The following TCF4 variants were observed in gnomAD, a reference collection of about 807,000 sequenced individuals.
The protein encoded by TCF4 is SL3-3 enhancer factor 2.
A neutral mutation model predicts 82.1 loss-of-function variants in TCF4; 3 were observed. The ratio of observed to expected loss-of-function variants is 0.04; its 90% confidence interval spans 0.02 to 0.09. The LOEUF (loss-of-function observed/expected upper bound fraction) is 0.09, where lower values mean the gene tolerates loss of function less well. TCF4 is among the 10% of genes least tolerant of loss of function. TCF4 has a pLI of 1.00. For synonymous variants in TCF4, 276 were observed against 309.6 expected (o/e 0.89, Z 1.14); for missense variants, 518 against 852.7 (o/e 0.61, Z 4.89).
At position 55,362,915 on chromosome 18, in the gene TCF4, C is replaced by T. The variant is rs578176054; in HGVS notation, c.370-11912G>A. 2.0e-5 allele frequency among the ~76,000 whole-genome samples: 3 copies of T among 152,284 alleles called. No homozygotes were observed. In the South Asian group the frequency reaches 6.2e-4, roughly 32 times the overall value. On this transcript the variant is annotated intron_variant, in intron 6 of 19. Coordinates refer to ENST00000354452, the MANE Select transcript of TCF4 (RefSeq NM_001083962.2). ...ATGAAAGGATTCAGCAGTATAAACA[C>T]TTCTAAAAGACCGAAATAATCTTGT... is the stretch of plus-strand genomic sequence containing the variant.
chr18:55,353,828 C>G (rs939673674), intron 6 of TCF4, among the ~76,000 whole-genome samples: 2 of 152,166 alleles, frequency 1.3e-5, no homozygotes, highest in African/African-American at 4.8e-5. Flanking sequence ...AATTTACCTG[C>G]ATATATAGAT....
At chr18:55,493,101 T>C (rs760220349) in intron 3 of TCF4, among the ~76,000 whole-genome samples, 15 of 152,158 alleles carry the variant, frequency 9.9e-5, no homozygotes, top group Non-Finnish European at 5.9e-5. Flanking sequence ...CCATATCTGT[T>C]CACATGTTAC....
At chr18:55,476,297 A>T (rs576494784) in intron 3 of TCF4, among the ~76,000 whole-genome samples, 66 of 152,322 alleles carry the variant, frequency 4.3e-4, no homozygotes, top group African/African-American at 1.5e-3. Context: ...GCCACCTCAC[A>T]AAGTGAAGAG....
At chr18:55,399,876 TCTCTCACACACACACA>T (rs1279188596) in intron 6 of TCF4, among the ~76,000 whole-genome samples, 8 of 118,520 alleles carry the variant, frequency 6.7e-5, no homozygotes, top group African/African-American at 1.1e-4. Flanking sequence ...TCTCTCTCTC[TCTCTCACACACACACA>T]CACACACACA....
At position 55,541,275 on chromosome 18, in the gene TCF4, CTATT is replaced by C. The variant is rs560449978; in HGVS notation, c.145+44001_145+44004del. On this transcript the variant is annotated intron_variant, in intron 3 of 19. Transcript: ENST00000354452. ...ACAATTGTAGGATTCCCTTTTTACACTATTTATGTTATCCTAGTTCAGCTAGTTT... is the reference window on the plus strand; with the variant it reads ...ACAATTGTAGGATTCCCTTTTTACACTATGTTATCCTAGTTCAGCTAGTTT... Among the ~76,000 whole-genome samples the C allele has an allele frequency of 1.6e-4, 25 of 152,078 alleles. 1 individual carries two copies. In the South Asian group the frequency reaches 3.7e-3, roughly 23 times the overall value.
intron 3 of TCF4, among the ~76,000 whole-genome samples, chr18:55,548,330 G>A (rs534491217): frequency 3.3e-5 from 5 of 152,238 alleles, no homozygotes; most frequent in South Asian, 4.1e-4. Flanking sequence ...AAATAATTAC[G>A]TTCTGTAGCC....
intron 8 of TCF4, among the ~76,000 whole-genome samples, chr18:55,330,612 C>A (rs1204243848): frequency 1.3e-5 from 2 of 152,160 alleles, no homozygotes; most frequent in Non-Finnish European, 2.9e-5. Context: ...TGTCACCAGG[C>A]TGGAGTGCAG....
chr18:55,258,860 T>C (rs2057442962), intron 13 of TCF4, among the ~76,000 whole-genome samples: 1 of 152,114 alleles, frequency 6.6e-6, no homozygotes, highest in Non-Finnish European at 1.5e-5. Context: ...TAGTTTCTAT[T>C]TCCACCAGGG....
intron 2 of TCF4, among the ~76,000 whole-genome samples, chr18:55,617,811 C>CTGTGTGTGTGTGTGTG (rs74182107): frequency 1.0e-4 from 14 of 140,684 alleles, no homozygotes; most frequent in African/African-American, 3.4e-4. Flanking sequence ...TTAATTCTAA[C>CTGTGTGTGTGTGTGTG]TGTGTGTGTG....
Position 55,224,813 on chromosome 18 carries a change from AT to A in TCF4, c.*3221del, listed in dbSNP as rs1364501768. The A allele has an allele frequency of 2.0e-5, 3 of 152,596 alleles. No homozygotes were observed. The highest frequency in any genetic ancestry group is 2.9e-5 in the Non-Finnish European group (2 of 68,022). 9.5% of individuals were successfully genotyped at this position (152,596 alleles called of 1,614,324 possible). ...AGATGAACAGATCCCTATTCTGCAT[AT>A]TCATAAATTACTTGAATGTGGAGGT... On this transcript the variant is annotated 3_prime_UTR_variant, in exon 20 of 20. Coordinates refer to ENST00000354452, the MANE Select transcript of TCF4 (RefSeq NM_001083962.2).
chr18:55,433,166 A>G (rs2095248974), intron 5 of TCF4, among the ~76,000 whole-genome samples: 2 of 152,228 alleles, frequency 1.3e-5, no homozygotes. Flanking sequence ...TTAAGAACAC[A>G]TGTTGCAGAG....
intron 5 of TCF4, among the ~76,000 whole-genome samples, chr18:55,431,918 C>T (rs2095211235): frequency 6.6e-6 from 1 of 152,130 alleles, no homozygotes; most frequent in African/African-American, 2.4e-5. Context: ...TAGGGAGCTA[C>T]CAAAAGGCGG....
intron 3 of TCF4, among the ~76,000 whole-genome samples, chr18:55,525,220 A>C (rs1400483100): frequency 6.6e-6 from 1 of 151,662 alleles, no homozygotes; most frequent in Admixed American, 6.6e-5. Flanking sequence ...AAATCAAGTG[A>C]GTTTACATTT....
chr18:55,439,084 G>C (rs2095388254), intron 5 of TCF4, among the ~76,000 whole-genome samples: 1 of 152,146 alleles, frequency 6.6e-6, no homozygotes, highest in Non-Finnish European at 1.5e-5. Flanking sequence ...GAAAGGCAGG[G>C]GGTGGGAAAA....
At chr18:55,354,323 TA>T (rs2082973151) in intron 6 of TCF4, among the ~76,000 whole-genome samples, 1 of 152,178 alleles carries the variant, frequency 6.6e-6, no homozygotes, top group African/African-American at 2.4e-5. Flanking sequence ...CTTTTTCAAT[TA>T]AAATTTTGTT....
intron 3 of TCF4, among the ~76,000 whole-genome samples, chr18:55,525,288 CT>C (rs2096970486): frequency 6.6e-6 from 1 of 151,714 alleles, no homozygotes; most frequent in Non-Finnish European, 1.5e-5. Context: ...TCCACGTAAC[CT>C]TTGATTGATT....
chr18:55,589,105 A>G (rs1210359573), upstream of TCF4, among the ~76,000 whole-genome samples: 8 of 152,214 alleles, frequency 5.3e-5, no homozygotes, highest in Admixed American at 5.2e-4. Flanking sequence ...TTTGAAAAAA[A>G]AAACACACAT....
At chr18:55,436,076 A>G (rs1363282289) in intron 5 of TCF4, among the ~76,000 whole-genome samples, 1 of 152,246 alleles carries the variant, frequency 6.6e-6, no homozygotes, top group Admixed American at 6.5e-5. Flanking sequence ...AACTGATAGT[A>G]ATCACTACAT....
intron 2 of TCF4, among the ~76,000 whole-genome samples, chr18:55,630,330 A>T (rs2097730386): frequency 6.6e-6 from 1 of 152,200 alleles, no homozygotes. Flanking sequence ...TAAGTTCTTA[A>T]TCATTATCAT....
Sources: gnomAD v4.1 joint callset for allele counts (sites outside exome capture counted in the v4.1 genomes callset) on GRCh38, gnomAD v4.1.1 for gene constraint, MANE v1.5 for transcripts, NCBI Gene and HGNC (gene_info 2026-07-23, HGNC 2026-07-21) for gene names.